The following KDM1B variants were observed in gnomAD, a reference collection of about 807,000 sequenced individuals.
The protein encoded by KDM1B is lysine demethylase 1B, also known as lysine-specific histone demethylase 2.
In KDM1B, 63 loss-of-function variants were observed where a neutral mutation model predicts 107.4. The ratio of observed to expected loss-of-function variants is 0.59; its 90% confidence interval spans 0.48 to 0.72. KDM1B has a LOEUF of 0.72. Among genes scored for constraint, KDM1B ranks in the 30% least tolerant of loss-of-function variants. KDM1B has a pLI of 0.00. For synonymous variants in KDM1B, 363 were observed against 363.9 expected (o/e 1.00, Z 0.03); for missense variants, 749 against 1,020.8 (o/e 0.73, Z 3.63).
chr6:18,156,195 G>C (rs983388395), intron 2 of KDM1B, among the ~76,000 whole-genome samples: 28 of 152,228 alleles, frequency 1.8e-4, no homozygotes, highest in African/African-American at 5.5e-4. Flanking sequence ...AGCATTGCCA[G>C]GTTGCTGGGG....
intron 21 of KDM1B, among the ~76,000 whole-genome samples, chr6:18,220,296 G>C (rs964594456): frequency 1.3e-5 from 2 of 152,240 alleles, no homozygotes; most frequent in Non-Finnish European, 2.9e-5. Flanking sequence ...GCTCACGCCT[G>C]TAATCCCAGC....
intron 12 of KDM1B, among the ~76,000 whole-genome samples, chr6:18,199,262 C>G (rs533544486): frequency 6.6e-6 from 1 of 152,096 alleles, no homozygotes; most frequent in South Asian, 2.1e-4. Context: ...GTGCAGCCTT[C>G]CTAGTTAGAG....
At chr6:18,161,852 CCATACGCA>C (rs1784994399) in intron 4 of KDM1B, among the ~76,000 whole-genome samples, 1 of 152,094 alleles carries the variant, frequency 6.6e-6, no homozygotes, top group African/African-American at 2.4e-5. Context: ...CCACCTCTTC[CCATACGCA>C]CATACAGGTC....
In KDM1B at chr6:18,211,443, G is replaced by A. The variant is rs1024887678; in HGVS notation, c.1867-1045G>A. Reference sequence around the variant, plus strand: ...GATGCACTTGCATGAGATGTAGAAGGTGTAGGTTGACTTTCGCTTCCCTTC... The same window carrying A: ...GATGCACTTGCATGAGATGTAGAAGATGTAGGTTGACTTTCGCTTCCCTTC... On this transcript the variant is annotated intron_variant, in intron 17 of 21. Transcript: ENST00000650836. The surrounding 1 kb of genome is among the most constrained non-coding windows in gnomAD (Gnocchi z 5.2). 1 of 152,248 alleles carries A rather than the reference G, an allele frequency of 6.6e-6. No individual in the cohort carries two copies. Among genetic ancestry groups the A allele is most frequent in the African/African-American group, 2.4e-5 (1 of 41,454 alleles). 9.4% of individuals were successfully genotyped at this position (152,248 alleles called of 1,614,324 possible). A position where few individuals can be genotyped will look rare whatever the true frequency, so the allele number is the denominator to read the frequency against.
At chr6:18,193,836 A>G (rs1219340511) in intron 10 of KDM1B, among the ~76,000 whole-genome samples, 1 of 150,764 alleles carries the variant, frequency 6.6e-6, no homozygotes, top group African/African-American at 2.4e-5. Flanking sequence ...GAAACAGATC[A>G]AGGTCATGCC....
rs748411364 is a variant in KDM1B, at chr6:18,213,758, G to A, written c.2086G>A (p.Val696Met). 9 of 1,614,082 alleles carry A rather than the reference G, an allele frequency of 5.6e-6. No homozygotes were observed. Among genetic ancestry groups the A allele is most frequent in the Non-Finnish European group, 7.6e-6 (9 of 1,179,948 alleles). The part of the protein sequence containing the change: ...PSASKRGLFA[V>M]FYDMDPQKKH... ...TGCCAGCAAGCGAGGGCTTTTTGCCGTGTTCTATGACATGGATCCCCAGGT... is the reference window on the plus strand; with the variant it reads ...TGCCAGCAAGCGAGGGCTTTTTGCCATGTTCTATGACATGGATCCCCAGGT... The change falls in exon 19 of 22, where the codon GTG becomes ATG. Residue 696 changes from valine to methionine, a missense_variant. Coordinates refer to ENST00000650836, the MANE Select transcript of KDM1B (RefSeq NM_001364614.2). The surrounding 1 kb of genome is among the most constrained non-coding windows in gnomAD (Gnocchi z 5.9).
Position 18,201,623 on chromosome 6 carries a change from G to C in KDM1B, c.1497G>C (p.Lys499Asn). 1 of 1,550,820 alleles carries C rather than the reference G, an allele frequency of 6.4e-7. No individual in the cohort carries two copies. The highest frequency in any genetic ancestry group is 8.7e-7 in the Non-Finnish European group (1 of 1,146,966). ...TGGATGTTGTCTCTGAGTGGAGAAA[G>C]GATAAGACTCAGCTCCAAGATGTCC... ...ALLDVVSEWR[K>N]DKTQLQDVPL... Residue 499 changes from lysine (K) to asparagine (N), a missense_variant, in exon 14 of 22, where the codon AAG becomes AAC. Lys to Asn is a moderately conservative substitution (Grantham distance 94). Coordinates refer to ENST00000650836, the MANE Select transcript of KDM1B (RefSeq NM_001364614.2). The surrounding 1 kb of genome is among the most constrained non-coding windows in gnomAD (Gnocchi z 4.3).
In KDM1B at chr6:18,172,842, C is replaced by T. The variant is rs1473458307; in HGVS notation, c.534+1363C>T. Among the ~76,000 whole-genome samples the T allele has an allele frequency of 2.0e-5, 3 of 152,036 alleles. No individual in the cohort carries two copies. The highest frequency in any genetic ancestry group is 2.4e-5 in the African/African-American group (1 of 41,378). The stretch of plus-strand genomic sequence containing the variant: ...CGGTGGCTCACACCTGTAATCCCAG[C>T]ACTTTGGGAGGCCGAGATGGGCGGA... On this transcript the variant is annotated intron_variant, in intron 7 of 21. Coordinates refer to ENST00000650836, the MANE Select transcript of KDM1B (RefSeq NM_001364614.2). This position sits in a 1 kb window ranked among gnomAD's most constrained non-coding sequence, Gnocchi z 5.2.
Position 18,209,069 on chromosome 6 carries a change from A to G in KDM1B, c.1866+863A>G, listed in dbSNP as rs1489994645. The stretch of plus-strand genomic sequence containing the variant: ...ACGGAATCCTTCTTCAGATCAGGAA[A>G]GTTCTGTTTTCATCTTGAAATCTTG... On this transcript the variant is annotated intron_variant, in intron 17 of 21. Coordinates refer to ENST00000650836, the MANE Select transcript of KDM1B (RefSeq NM_001364614.2). The surrounding 1 kb of genome is among the most constrained non-coding windows in gnomAD (Gnocchi z 4.3). 1.3e-5 allele frequency among the ~76,000 whole-genome samples: 2 copies of G among 152,150 alleles called. No individual in the cohort carries two copies. Among genetic ancestry groups the G allele is most frequent in the Non-Finnish European group, 2.9e-5 (2 of 68,032 alleles).
At chr6:18,193,308 T>C (rs1016263518) in intron 10 of KDM1B, among the ~76,000 whole-genome samples, 7 of 144,536 alleles carry the variant, frequency 4.8e-5, no homozygotes, top group Admixed American at 6.8e-5. Flanking sequence ...CTTTTTTTTT[T>C]TTTTTTTTTT....
Position 18,214,895 on chromosome 6 carries a change from G to A in KDM1B, c.2110-112G>A, listed in dbSNP as rs902371850. 11 of 1,120,450 alleles carry A rather than the reference G, an allele frequency of 9.8e-6. 1 individual carries two copies. The highest frequency in any genetic ancestry group is 4.8e-5 in the Admixed American group (2 of 41,714). The allele number at this position is 1,120,450 out of a possible 1,614,324, so 69.4% of individuals were successfully genotyped here. A position where few individuals can be genotyped will look rare whatever the true frequency, so the allele number is the denominator to read the frequency against. On this transcript the variant is annotated intron_variant, in intron 19 of 21. Coordinates refer to ENST00000650836, the MANE Select transcript of KDM1B (RefSeq NM_001364614.2). This position sits in a 1 kb window ranked among gnomAD's most constrained non-coding sequence, Gnocchi z 4.4. ...ATTGCACTCCAGCCTGGGTGACAGA[G>A]CAAAACTCTGTCTCATTTAAAACAA... is the stretch of plus-strand genomic sequence containing the variant.
intron 21 of KDM1B, among the ~76,000 whole-genome samples, chr6:18,219,290 T>C (rs1036282324): frequency 4.6e-5 from 7 of 152,248 alleles, no homozygotes; most frequent in African/African-American, 1.7e-4. Flanking sequence ...AAAAATGTTT[T>C]GCTATTCTGA....
chr6:18,197,763 C>T lies in KDM1B; in HGVS notation c.1221+102C>T. The T allele has an allele frequency of 1.4e-6, 1 of 721,054 alleles. No homozygotes were observed. The highest frequency in any genetic ancestry group is 1.8e-5 in the South Asian group (1 of 56,082). 44.7% of individuals were successfully genotyped at this position (721,054 alleles called of 1,614,324 possible). ...CAGTTCCTATTTTTAGTGAAGAATA[C>T]TAAATACATTATATGTTTATATTAG... On this transcript the variant is annotated intron_variant, in intron 12 of 21. Coordinates refer to ENST00000650836, the MANE Select transcript of KDM1B (RefSeq NM_001364614.2). The surrounding 1 kb of genome is among the most constrained non-coding windows in gnomAD (Gnocchi z 4.5).
chr6:18,192,967 T>C (rs1022808284), intron 10 of KDM1B, among the ~76,000 whole-genome samples: 1 of 151,828 alleles, frequency 6.6e-6, no homozygotes, highest in Non-Finnish European at 1.5e-5. Flanking sequence ...CCCAGTTGGG[T>C]GGATTACATG....
Position 18,197,513 on chromosome 6 carries a change from C to A in KDM1B, c.1147-74C>A, listed in dbSNP as rs1787725488. ...AATGTAAATGAACGAATTTGCTCTGCAGTTCCGGAACAACTAAAACAGGAC... is the reference window on the plus strand; with the variant it reads ...AATGTAAATGAACGAATTTGCTCTGAAGTTCCGGAACAACTAAAACAGGAC... On this transcript the variant is annotated intron_variant, in intron 11 of 21. Coordinates refer to ENST00000650836, the MANE Select transcript of KDM1B (RefSeq NM_001364614.2). This position sits in a 1 kb window ranked among gnomAD's most constrained non-coding sequence, Gnocchi z 4.5. 8.6e-7 allele frequency: 1 copy of A among 1,157,816 alleles called. No homozygotes were observed. Among genetic ancestry groups the A allele is most frequent in the Non-Finnish European group, 1.3e-6 (1 of 779,240 alleles). The allele number at this position is 1,157,816 out of a possible 1,614,324, so 71.7% of individuals were successfully genotyped here. A position where few individuals can be genotyped will look rare whatever the true frequency, so the allele number is the denominator to read the frequency against.
intron 9 of KDM1B, among the ~76,000 whole-genome samples, chr6:18,190,825 A>C (rs1198438839): frequency 6.6e-6 from 1 of 151,734 alleles, no homozygotes; most frequent in Non-Finnish European, 1.5e-5. Context: ...ACTTGGACCC[A>C]GGAGATGGAG....
At chr6:18,208,870 G>A (rs557022258) in intron 17 of KDM1B, among the ~76,000 whole-genome samples, 2 of 148,964 alleles carry the variant, frequency 1.3e-5, no homozygotes, top group Non-Finnish European at 3.0e-5. Flanking sequence ...TAGCCAGGAT[G>A]GTCTCGATCT....
chr6:18,178,125 C>T (rs1786156335), intron 7 of KDM1B, among the ~76,000 whole-genome samples: 1 of 152,132 alleles, frequency 6.6e-6, no homozygotes, highest in Non-Finnish European at 1.5e-5. Context: ...CTCTGTCATC[C>T]AGGCTGGAGT....
intron 10 of KDM1B, among the ~76,000 whole-genome samples, chr6:18,195,139 G>A (rs1787556314): frequency 6.6e-6 from 1 of 152,148 alleles, no homozygotes; most frequent in Admixed American, 6.5e-5. Flanking sequence ...TTTTATAGCT[G>A]AATAATATTT....
Sources: gnomAD v4.1 joint callset for allele counts (sites outside exome capture counted in the v4.1 genomes callset) on GRCh38, gnomAD v4.1.1 for gene constraint, Gnocchi (gnomAD v3.1) non-coding constraint, MANE v1.5 for transcripts, NCBI Gene and HGNC (gene_info 2026-07-23, HGNC 2026-07-21) for gene names.